The following BNC2 variants were observed in gnomAD, a reference collection of about 807,000 sequenced individuals.
BNC2 encodes the protein basonuclin zinc finger protein 2, also known as zinc finger protein basonuclin-2.
A neutral mutation model predicts 76.3 loss-of-function variants in BNC2; 20 were observed. The ratio of observed to expected loss-of-function variants is 0.26; its 90% confidence interval spans 0.18 to 0.38. The LOEUF (loss-of-function observed/expected upper bound fraction) is 0.38, where lower values mean the gene tolerates loss of function less well. BNC2 is among the 10% of genes least tolerant of loss of function. BNC2 has a pLI of 1.00. For missense variants in BNC2, 1,382 were observed against 1,399.8 expected, an observed-to-expected ratio of 0.99 and a Z score of 0.20; for synonymous variants, 582 against 514.8, an observed-to-expected ratio of 1.13 and a Z score of -1.77.
At chr9:16,786,349 T>C (rs1345071757) in intron 1 of BNC2, among the ~76,000 whole-genome samples, 2 of 152,174 alleles carry the variant, frequency 1.3e-5, no homozygotes, top group Non-Finnish European at 2.9e-5. Context: ...GGTGCATTAA[T>C]ATTCAACTTC....
At chr9:16,664,263 A>C (rs1198547981) in intron 3 of BNC2, among the ~76,000 whole-genome samples, 2 of 152,054 alleles carry the variant, frequency 1.3e-5, no homozygotes, top group Non-Finnish European at 2.9e-5. Flanking sequence ...CCTCCTTTCC[A>C]CGCCAGTCCT....
At chr9:16,539,778 GGAAA>G (rs1818259659) in intron 5 of BNC2, among the ~76,000 whole-genome samples, 1 of 94,718 alleles carries the variant, frequency 1.1e-5, no homozygotes, top group African/African-American at 4.7e-5. Context: ...AGAAAGGAAA[GGAAA>G]GGAAAGGAAA....
chr9:16,821,650 T>A (rs900929095), intron 1 of BNC2, among the ~76,000 whole-genome samples: 3 of 152,028 alleles, frequency 2.0e-5, no homozygotes, highest in Non-Finnish European at 4.4e-5. Context: ...AAGAGTATTA[T>A]AATTAAGAAG....
chr9:16,490,862 G>T (rs1822264313), intron 5 of BNC2, among the ~76,000 whole-genome samples: 1 of 152,294 alleles, frequency 6.6e-6, no homozygotes, highest in East Asian at 1.9e-4. Flanking sequence ...GTCAGAATGA[G>T]CAGTCCCTAA....
At chr9:16,685,903 T>G (rs539139727) in intron 3 of BNC2, among the ~76,000 whole-genome samples, 1 of 152,160 alleles carries the variant, frequency 6.6e-6, no homozygotes, top group Non-Finnish European at 1.5e-5. Context: ...AGTAGGCACC[T>G]AATAAATAGC....
chr9:16,416,734 T>TA lies in BNC2; in HGVS notation c.*2254dup, dbSNP rs1324176579. 1.3e-5 allele frequency: 2 copies of TA among 152,656 alleles called. No homozygotes were observed. Among genetic ancestry groups the TA allele is most frequent in the Non-Finnish European group, 2.9e-5 (2 of 68,026 alleles). The allele number at this position is 152,656 out of a possible 1,614,324, so 9.5% of individuals were successfully genotyped here. A position where few individuals can be genotyped will look rare whatever the true frequency, so the allele number is the denominator to read the frequency against. On this transcript the variant is annotated 3_prime_UTR_variant, in exon 7 of 7. Coordinates refer to ENST00000380672, the MANE Select transcript of BNC2 (RefSeq NM_017637.6). ...GCATCCTCTGAAGGAGGTGAAAAGA[T>TA]AAAGCTCCTAGACATAGCTAGCTTA... is the stretch of plus-strand genomic sequence containing the variant.
intron 1 of BNC2, among the ~76,000 whole-genome samples, chr9:16,836,433 C>A (rs1353862347): frequency 6.6e-6 from 1 of 150,424 alleles, no homozygotes; most frequent in Non-Finnish European, 1.5e-5. Context: ...AATAGAATCC[C>A]AAACAATAAT....
intron 1 of BNC2, among the ~76,000 whole-genome samples, chr9:16,852,594 G>C (rs1241222311): frequency 6.6e-6 from 1 of 152,098 alleles, no homozygotes; most frequent in Non-Finnish European, 1.5e-5. Context: ...GCTTCATGGT[G>C]GTGGGAAGAT....
In BNC2 at chr9:16,788,289, C is replaced by G. The variant is rs377691388; in HGVS notation, c.4-49804G>C. ...CATTCCTGGGCCAGGCGCGGTGGCT[C>G]ACGCCTGTAATCCCAGCACTCTGGG... On this transcript the variant is annotated intron_variant, in intron 1 of 6. Coordinates refer to ENST00000380672, the MANE Select transcript of BNC2 (RefSeq NM_017637.6). 2.0e-4 allele frequency among the ~76,000 whole-genome samples: 30 copies of G among 152,150 alleles called. No individual in the cohort carries two copies. In the East Asian group the frequency reaches 4.9e-3, roughly 25 times the overall value.
chr9:16,457,825 C>G (rs572051643), intron 5 of BNC2, among the ~76,000 whole-genome samples: 1 of 152,330 alleles, frequency 6.6e-6, no homozygotes, highest in African/African-American at 2.4e-5. Flanking sequence ...GGCAAGCAGG[C>G]CTCCCTAAAG....
chr9:16,696,562 A>C lies in BNC2; in HGVS notation c.330+31235T>G, dbSNP rs182896574. On this transcript the variant is annotated intron_variant, in intron 3 of 6. Coordinates refer to ENST00000380672, the MANE Select transcript of BNC2 (RefSeq NM_017637.6). ...GGCTCTAAGCACCACATGACCTTGA[A>C]CCTTAAAAACATGTTTTTCTCTCCT... Among the ~76,000 whole-genome samples the C allele has an allele frequency of 1.3e-5, 2 of 152,284 alleles. 1 individual carries two copies. The highest frequency in any genetic ancestry group is 3.9e-4 in the East Asian group (2 of 5,184).
chr9:16,475,808 G>A (rs10962435), intron 5 of BNC2, among the ~76,000 whole-genome samples: 22,412 of 152,144 alleles, frequency 0.15, 2,459 homozygotes, highest in East Asian at 0.32. Context: ...GAACCTAGAG[G>A]GCCTAGCAGC....
At chr9:16,765,944 G>A (rs1027459080) in intron 1 of BNC2, among the ~76,000 whole-genome samples, 8 of 151,904 alleles carry the variant, frequency 5.3e-5, no homozygotes, top group African/African-American at 1.9e-4. Flanking sequence ...TCGCCACCAC[G>A]CCTGGCTAAT....
chr9:16,501,218 G>C (rs10962458), intron 5 of BNC2, among the ~76,000 whole-genome samples: 30,646 of 152,042 alleles, frequency 0.2, 3,185 homozygotes, highest in East Asian at 0.27. Context: ...TAACAGAAAT[G>C]TAATTAGCCT....
At chr9:16,659,306 C>T (rs571202144) in intron 3 of BNC2, among the ~76,000 whole-genome samples, 1 of 152,312 alleles carries the variant, frequency 6.6e-6, no homozygotes, top group Non-Finnish European at 1.5e-5. Flanking sequence ...GGCAACCACG[C>T]TGCTTCTCAA....
At chr9:16,635,115 G>A (rs900268476) in intron 3 of BNC2, among the ~76,000 whole-genome samples, 4 of 152,140 alleles carry the variant, frequency 2.6e-5, no homozygotes, top group Admixed American at 1.3e-4. Context: ...AGTCTTAGCT[G>A]CATTATTTCA....
intron 5 of BNC2, among the ~76,000 whole-genome samples, chr9:16,539,940 C>T (rs1587146738): frequency 6.6e-6 from 1 of 152,000 alleles, no homozygotes; most frequent in East Asian, 1.9e-4. Context: ...TTAAAGACTA[C>T]ACACTAAATA....
chr9:16,845,468 T>C (rs549206930), intron 1 of BNC2, among the ~76,000 whole-genome samples: 1 of 152,222 alleles, frequency 6.6e-6, no homozygotes, highest in South Asian at 2.1e-4. Context: ...ACACCTGTAA[T>C]CCCAGCAATT....
chr9:16,756,335 C>T (rs1398817396), intron 1 of BNC2, among the ~76,000 whole-genome samples: 1 of 152,164 alleles, frequency 6.6e-6, no homozygotes, highest in African/African-American at 2.4e-5. Flanking sequence ...TCTGACACCC[C>T]ACATGCAGTC....
Sources: gnomAD v4.1 joint callset for allele counts (sites outside exome capture counted in the v4.1 genomes callset) on GRCh38, gnomAD v4.1.1 for gene constraint, MANE v1.5 for transcripts, NCBI Gene and HGNC (gene_info 2026-07-23, HGNC 2026-07-21) for gene names.